Variants in LIMK1 observed in about 807,000 individuals in gnomAD.
The protein encoded by LIMK1 is LIM motif-containing protein kinase.
LIMK1 carries 21 observed loss-of-function variants against 77.6 expected under a neutral mutation model. The observed-to-expected ratio is 0.27, with a 90% CI of 0.19 to 0.39. The LOEUF is 0.39. LIMK1 is among the 10% of genes least tolerant of loss of function. The pLI is 1.00. For synonymous variants in LIMK1, 358 were observed against 370.0 expected (o/e 0.97, Z 0.37); for missense variants, 696 against 901.6 (o/e 0.77, Z 2.92).
At chr7:74,101,778 C>T (rs1044194088) in intron 5 of LIMK1, among the ~76,000 whole-genome samples, 1 of 150,510 alleles carries the variant, frequency 6.6e-6, no homozygotes, top group African/African-American at 2.5e-5. Flanking sequence ...ATGTGAGATT[C>T]TAAGGAATTT....
At chr7:74,092,999 A>T (rs1222980205) in intron 2 of LIMK1, 7 of 709,940 alleles carry the variant, frequency 9.9e-6, no homozygotes, top group East Asian at 9.2e-5. Flanking sequence ...CTGGGGTCCA[A>T]GCCTAGATCG....
chr7:74,097,223 G>T, intron 4 of LIMK1, 34 bp downstream of exon 4: 1 of 1,394,356 alleles, frequency 7.2e-7, no homozygotes, highest in Non-Finnish European at 9.9e-7. Context: ...AGCCTAGGAG[G>T]CCCACCTGTG....
At chr7:74,111,573 C>A in intron 10 of LIMK1, 75 bp from the exon 11 acceptor site, 2 of 1,262,422 alleles carry the variant, frequency 1.6e-6, no homozygotes, top group Non-Finnish European at 2.3e-6. Context: ...CCTCTTCCTG[C>A]CTCTGTCTCA....
intron 2 of LIMK1, among the ~76,000 whole-genome samples, chr7:74,087,560 C>CT (rs1413888268): frequency 9.9e-5 from 15 of 152,232 alleles, no homozygotes; most frequent in Admixed American, 9.8e-4. Context: ...ACCACTAGGA[C>CT]TTTATTTTAG....
At chr7:74,097,019 G>A in intron 3 of LIMK1, 61 bp from the exon 4 acceptor site, 1 of 1,330,048 alleles carries the variant, frequency 7.5e-7, no homozygotes, top group Non-Finnish European at 1.1e-6. Flanking sequence ...GCCTAGGGGA[G>A]GATCTGTGGG....
At chr7:74,091,055 A>G (rs1468407113) in intron 2 of LIMK1, among the ~76,000 whole-genome samples, 1 of 151,896 alleles carries the variant, frequency 6.6e-6, no homozygotes, top group Non-Finnish European at 1.5e-5. Flanking sequence ...CTGGGACTAC[A>G]GGCGCCCACC....
chr7:74,105,822 T>G, intron 5 of LIMK1, 53 bp from the exon 6 acceptor site: 4 of 1,366,842 alleles, frequency 2.9e-6, no homozygotes, highest in Non-Finnish European at 4.2e-6. Flanking sequence ...TGGTTTCCTG[T>G]TGGGGCTCTG....
rs192442049 is a variant in LIMK1, at chr7:74,092,087, T to C, written c.153-4535T>C. Among the ~76,000 whole-genome samples, 432 of 150,272 alleles carry C rather than the reference T, an allele frequency of 2.9e-3. 2 individuals are homozygous for C. The highest frequency in any genetic ancestry group is 0.01 in the African/African-American group (414 of 40,960). ...GTTCAAGCGATTCTCCTGCCTCAGCTTCCTGGTAGCTGGGACTACAGGCGC... is the reference window on the plus strand; with the variant it reads ...GTTCAAGCGATTCTCCTGCCTCAGCCTCCTGGTAGCTGGGACTACAGGCGC... On this transcript the variant is annotated intron_variant, in intron 2 of 15. Transcript: ENST00000336180.
intron 4 of LIMK1, among the ~76,000 whole-genome samples, chr7:74,098,007 C>G (rs1290952224): frequency 6.6e-6 from 1 of 152,214 alleles, no homozygotes; most frequent in African/African-American, 2.4e-5. Context: ...CATCTCCCCT[C>G]CCTCCCCTAG....
chr7:74,115,527 C>T (rs563560361), intron 12 of LIMK1: 6 of 399,466 alleles, frequency 1.5e-5, no homozygotes, highest in African/African-American at 6.0e-5. Flanking sequence ...GGGTCCGCCA[C>T]GACGGTCTGG....
intron 1 of LIMK1, among the ~76,000 whole-genome samples, chr7:74,084,968 CAG>C (rs1397017092): frequency 6.6e-6 from 1 of 152,224 alleles, no homozygotes. Context: ...TGCGTCTTCA[CAG>C]AGGGTCAGGC....
chr7:74,111,063 C>T (rs1799688390), intron 10 of LIMK1: 1 of 153,452 alleles, frequency 6.5e-6, no homozygotes, highest in East Asian at 1.9e-4. Context: ...TGGTGAAACC[C>T]TGTCTCTACT....
At chr7:74,094,931 A>C (rs1212451812) in intron 2 of LIMK1, among the ~76,000 whole-genome samples, 1 of 151,866 alleles carries the variant, frequency 6.6e-6, no homozygotes, top group Non-Finnish European at 1.5e-5. Context: ...ATGCTTCCAA[A>C]CCCTGGCATT....
intron 2 of LIMK1, chr7:74,093,363 G>A (rs2115643249): frequency 6.5e-7 from 1 of 1,527,738 alleles, no homozygotes; most frequent in East Asian, 2.5e-5. Flanking sequence ...TGTAAGGCCT[G>A]GGGCTGGAAG....
In LIMK1 at chr7:74,105,966, G is replaced by C; in HGVS notation, c.700G>C (p.Val234Leu). Reference protein sequence around the residue: ...LEINGTPIRNVPLDEIDLLIQ... With the variant: ...LEINGTPIRNLPLDEIDLLIQ... ...AATCAATGGCACGCCCATCCGAAAT[G>C]TGCCCCTGGACGAGGTACGGTCCTG... Residue 234 changes from valine to leucine, a missense_variant, in exon 6 of 16, where the codon GTG (valine) becomes CTG (leucine). This residue lies in a region of LIMK1 where 438 missense variants were observed against 602.3 expected (regional missense o/e 0.73). Transcript: ENST00000336180. The C allele has an allele frequency of 6.2e-7, 1 of 1,614,128 alleles. No homozygotes were observed.
At chr7:74,088,439 C>T (rs569688116) in intron 2 of LIMK1, among the ~76,000 whole-genome samples, 12 of 152,226 alleles carry the variant, frequency 7.9e-5, no homozygotes, top group African/African-American at 2.9e-4. Context: ...ACAGAATAAG[C>T]TGAGGGATCC....
At chr7:74,095,968 C>CTTTTTCTTTTTTT (rs1350263536) in intron 2 of LIMK1, among the ~76,000 whole-genome samples, 1 of 127,232 alleles carries the variant, frequency 7.9e-6, no homozygotes, top group African/African-American at 3.3e-5. Flanking sequence ...TTTTCTTTTT[C>CTTTTTCTTTTTTT]TTTTTTTTTT....
intron 1 of LIMK1, 56 bp from the exon 2 acceptor site, chr7:74,085,692 C>T: frequency 2.8e-6 from 4 of 1,409,626 alleles, no homozygotes; most frequent in East Asian, 2.5e-5. Context: ...GCAAGCTGGG[C>T]CTGCACCAGA....
chr7:74,098,698 G>A (rs764308328), intron 4 of LIMK1, among the ~76,000 whole-genome samples: 61 of 144,394 alleles, frequency 4.2e-4, no homozygotes, highest in Non-Finnish European at 7.6e-4. Flanking sequence ...TAAGAAATTA[G>A]CCAGGCATGG....
Sources: allele counts gnomAD v4.1 joint callset (sites outside exome capture counted in the v4.1 genomes callset), GRCh38; gene constraint gnomAD v4.1.1; regional missense constraint gnomAD v4.1.1; transcripts MANE v1.5; gene names NCBI Gene and HGNC (gene_info 2026-07-23, HGNC 2026-07-21).